Variants in EDEM1 observed in about 807,000 individuals in gnomAD.
EDEM1 encodes ER degradation enhancing alpha-mannosidase like protein 1, also known as ER degradation-enhancing alpha-mannosidase-like protein 1.
EDEM1 carries 67 observed loss-of-function variants against 74.4 expected under a neutral mutation model. That is an observed-to-expected ratio of 0.90 (90% CI 0.74 to 1.10). The LOEUF (loss-of-function observed/expected upper bound fraction) is 1.10, where lower values mean the gene tolerates loss of function less well. Among genes scored for constraint, EDEM1 ranks in the 50% least tolerant of loss-of-function variants. EDEM1 has a pLI of 0.00. For missense variants in EDEM1, 926 were observed against 851.6 expected, an observed-to-expected ratio of 1.09 and a Z score of -1.09; for synonymous variants, 382 against 335.9, an observed-to-expected ratio of 1.14 and a Z score of -1.50.
intron 3 of EDEM1, among the ~76,000 whole-genome samples, chr3:5,200,921 G>C (rs2055027022): frequency 6.6e-6 from 1 of 150,644 alleles, no homozygotes; most frequent in Non-Finnish European, 1.5e-5. Context: ...TTTTAGAGCA[G>C]GGTCTTGCTC....
rs1295656246 is a variant in EDEM1 at position 5,205,196 on chromosome 3, T to C, written c.1172T>C (p.Met391Thr). ...ILFGEKEDLEMFNAAYQSIQN... is the reference protein window; with the variant it reads ...ILFGEKEDLETFNAAYQSIQN... ...TTTGGAGAAAAAGAAGACCTAGAAA[T>C]GTTTAATGCTGCATATCAGAGTATT... is the stretch of plus-strand genomic sequence containing the variant. Residue 391 changes from methionine (M) to threonine (T), a missense_variant, in exon 6 of 12, where the codon ATG becomes ACG. Met to Thr is a moderately conservative substitution (Grantham distance 81, BLOSUM62 -1). Coordinates refer to ENST00000256497, the MANE Select transcript of EDEM1 (RefSeq NM_014674.3). 1 of 1,614,196 alleles carries C rather than the reference T, an allele frequency of 6.2e-7. No homozygotes were observed. Among genetic ancestry groups the C allele is most frequent in the Non-Finnish European group, 8.5e-7 (1 of 1,180,030 alleles).
At chr3:5,211,042 G>C (rs1429534391) in intron 9 of EDEM1, 78 bp from the exon 10 acceptor site, 1 of 1,285,666 alleles carries the variant, frequency 7.8e-7, no homozygotes, top group Non-Finnish European at 1.1e-6. Flanking sequence ...ATTCTGATAA[G>C]AGAATGTTTC....
At chr3:5,196,569 C>T (rs1014979328) in intron 2 of EDEM1, among the ~76,000 whole-genome samples, 3 of 152,096 alleles carry the variant, frequency 2.0e-5, no homozygotes, top group Non-Finnish European at 2.9e-5. Flanking sequence ...TTGGAAAGAG[C>T]TTGAGAGATC....
In EDEM1 at chr3:5,215,854, G is replaced by C; in HGVS notation, c.1910G>C (p.Arg637Thr). The change falls in exon 12 of 12, where the codon AGG (arginine) becomes ACG (threonine). Residue 637 changes from arginine (R) to threonine (T), a missense_variant. Transcript: ENST00000256497. The part of the protein sequence containing the change: ...SNCNRVPDER[R>T]YSLPLKSIYM... The stretch of plus-strand genomic sequence containing the variant: ...TGCAATCGTGTACCTGATGAGAGGA[G>C]GTACTCCCTGCCCTTAAAGAGCATC... 1.2e-6 allele frequency: 2 copies of C among 1,612,582 alleles called. No individual in the cohort carries two copies. The highest frequency in any genetic ancestry group is 1.7e-6 in the Non-Finnish European group (2 of 1,179,458).
rs1245659344 is a variant in EDEM1, at chr3:5,211,235, G to A, written c.1680+19G>A. ...GTATCTGGTATGTGTGTTGCAAGAT[G>A]AACCCAGGAATATTTAGTATTGCTT... is the stretch of plus-strand genomic sequence containing the variant. On this transcript the variant is annotated intron_variant, in intron 10 of 11. Transcript: ENST00000256497. 2 of 1,606,136 alleles carry A rather than the reference G, an allele frequency of 1.2e-6. No individual in the cohort carries two copies. Among genetic ancestry groups the A allele is most frequent in the African/African-American group, 1.3e-5 (1 of 74,862 alleles).
At chr3:5,214,617 A>G (rs1163331185) in intron 11 of EDEM1, among the ~76,000 whole-genome samples, 1 of 152,196 alleles carries the variant, frequency 6.6e-6, no homozygotes. Context: ...TACGTACATT[A>G]ATCTGTTTAC....
Position 5,187,985 on chromosome 3 carries a change from G to A in EDEM1, c.180G>A (p.Val60=), listed in dbSNP as rs1206175609. 1 of 1,533,796 alleles carries A rather than the reference G, an allele frequency of 6.5e-7. No homozygotes were observed. Among genetic ancestry groups the A allele is most frequent in the Admixed American group, 2.0e-5 (1 of 49,592 alleles). ...CCGCGTCGCCCACCTCGGGGCCCGT[G>A]GGCCGGCCTGGGGGGGTATCCGGGC... ...DGPASPTSGP[V]GRPGGVSGPS... is the part of the protein sequence containing the mutation. The change falls in exon 1 of 12, where the codon GTG becomes GTA. Residue 60 remains valine (V), a synonymous_variant. Transcript: ENST00000256497.
intron 9 of EDEM1, 64 bp downstream of exon 9, chr3:5,210,312 G>A (rs901385812): frequency 4.8e-6 from 7 of 1,447,600 alleles, no homozygotes; most frequent in Middle Eastern, 1.7e-4. Flanking sequence ...AATTGTTTTG[G>A]GGAAATATCC....
chr3:5,195,376 A>T lies in EDEM1; in HGVS notation c.582+95A>T, dbSNP rs543679820. On this transcript the variant is annotated intron_variant, in intron 2 of 11. Coordinates refer to ENST00000256497, the MANE Select transcript of EDEM1 (RefSeq NM_014674.3). The stretch of plus-strand genomic sequence containing the variant: ...AGCAGTGGGAATTCCAGGGAGCCTG[A>T]TAAGTCAAAATGTATCATTAGCTTT... The T allele has an allele frequency of 5.9e-5, 35 of 590,308 alleles. No homozygotes were observed. The South Asian group carries it at 1.1e-3, about 19-fold the overall frequency. 36.6% of individuals were successfully genotyped at this position (590,308 alleles called of 1,614,324 possible).
rs1575592799 is a variant in EDEM1, at chr3:5,213,471, T to C, written c.1833T>C (p.Ser611=). The C allele has an allele frequency of 1.2e-6, 2 of 1,614,022 alleles. No individual in the cohort carries two copies. Among genetic ancestry groups the C allele is most frequent in the Non-Finnish European group, 1.7e-6 (2 of 1,179,942 alleles). ...GAGGGCAGGACCAAGGGGGAAAGTC[T>C]GTGCACAGGCCGAAACCTCATGAGT... ...EEGGQDQGGK[S]VHRPKPHELK... Residue 611 remains serine (S), a synonymous_variant, in exon 11 of 12, where the codon TCT becomes TCC. Transcript: ENST00000256497.
chr3:5,218,723 A>G lies in EDEM1; in HGVS notation c.*2805A>G, dbSNP rs1386159890. Reference sequence around the variant, plus strand: ...TTCAAATCATTACAGTAGCTTAGCTACTTTAGTTGATGTGACCGAGGAATC... The same window carrying G: ...TTCAAATCATTACAGTAGCTTAGCTGCTTTAGTTGATGTGACCGAGGAATC... On this transcript the variant is annotated 3_prime_UTR_variant, in exon 12 of 12. Coordinates refer to ENST00000256497, the MANE Select transcript of EDEM1 (RefSeq NM_014674.3). The G allele has an allele frequency of 1.3e-5, 2 of 151,970 alleles. No homozygotes were observed. The highest frequency in any genetic ancestry group is 4.9e-5 in the African/African-American group (2 of 41,218). The allele number at this position is 151,970 out of a possible 1,614,324, so 9.4% of individuals were successfully genotyped here.
chr3:5,195,346 C>CCA, intron 2 of EDEM1, 65 bp downstream of exon 2: 1 of 993,236 alleles, frequency 1.0e-6, no homozygotes, highest in Non-Finnish European at 1.4e-6. Flanking sequence ...TCCCTAGTTC[C>CCA]CTCCAGCAGT....
At position 5,218,057 on chromosome 3, in the gene EDEM1, C is replaced by T. The variant is rs1246593045; in HGVS notation, c.*2139C>T. The T allele has an allele frequency of 6.6e-6, 1 of 152,278 alleles. No homozygotes were observed. The highest frequency in any genetic ancestry group is 1.5e-5 in the Non-Finnish European group (1 of 68,094). 9.4% of individuals were successfully genotyped at this position (152,278 alleles called of 1,614,324 possible). On this transcript the variant is annotated 3_prime_UTR_variant, in exon 12 of 12. Coordinates refer to ENST00000256497, the MANE Select transcript of EDEM1 (RefSeq NM_014674.3). Reference sequence around the variant, plus strand: ...GCAAGCCTGGGTGTTCCTTCCTCCTCATGCTCCTGGAATAGGGAATAGGGA... The same window carrying T: ...GCAAGCCTGGGTGTTCCTTCCTCCTTATGCTCCTGGAATAGGGAATAGGGA...
Position 5,211,101 on chromosome 3 carries a change from C to T in EDEM1, c.1584-19C>T. 6.2e-7 allele frequency: 1 copy of T among 1,612,448 alleles called. No homozygotes were observed. Among genetic ancestry groups the T allele is most frequent in the Non-Finnish European group, 8.5e-7 (1 of 1,178,918 alleles). ...TGGGAAGGAAGAGAGGCAGGACTGACCAGATGATTGTTTTGTAGGTGTGGG... is the reference window on the plus strand; with the variant it reads ...TGGGAAGGAAGAGAGGCAGGACTGATCAGATGATTGTTTTGTAGGTGTGGG... On this transcript the variant is annotated intron_variant, in intron 9 of 11. Coordinates refer to ENST00000256497, the MANE Select transcript of EDEM1 (RefSeq NM_014674.3).
At chr3:5,192,920 A>AT (rs201219399) in intron 1 of EDEM1, among the ~76,000 whole-genome samples, 2,614 of 143,984 alleles carry the variant, frequency 0.018, 27 homozygotes, top group Non-Finnish European at 0.023. Context: ...ACTGCAAGTA[A>AT]TTTTTTTTTT....
chr3:5,206,542 G>A (rs924550860), intron 6 of EDEM1, among the ~76,000 whole-genome samples: 3 of 152,096 alleles, frequency 2.0e-5, no homozygotes, highest in Non-Finnish European at 4.4e-5. Flanking sequence ...TATGTTAAGT[G>A]TCCAGTTTCA....
intron 4 of EDEM1, 92 bp downstream of exon 4, chr3:5,202,016 T>G: frequency 1.4e-6 from 2 of 1,449,764 alleles, no homozygotes; most frequent in African/African-American, 1.4e-5. Context: ...GGAGAAGGAA[T>G]GGGATGGAGG....
intron 8 of EDEM1, among the ~76,000 whole-genome samples, chr3:5,209,873 A>G (rs953277183): frequency 6.6e-6 from 1 of 152,206 alleles, no homozygotes; most frequent in African/African-American, 2.4e-5. Context: ...TGGTGCTGTC[A>G]GCGTGGGCAT....
intron 2 of EDEM1, among the ~76,000 whole-genome samples, chr3:5,198,601 G>C (rs533786685): frequency 6.6e-6 from 1 of 151,790 alleles, no homozygotes; most frequent in East Asian, 1.9e-4. Flanking sequence ...TTGTTTTGAG[G>C]GGAAGATCTT....
Sources: allele counts gnomAD v4.1 joint callset (sites outside exome capture counted in the v4.1 genomes callset), GRCh38; gene constraint gnomAD v4.1.1; transcripts MANE v1.5; gene names NCBI Gene and HGNC (gene_info 2026-07-23, HGNC 2026-07-21).